RCAN2: variants seen among roughly 807,000 people sequenced by gnomAD.
RCAN2 encodes regulator of calcineurin 2.
In RCAN2, 9 loss-of-function variants were observed where a neutral mutation model predicts 23.6. That is an observed-to-expected ratio of 0.38 (90% CI 0.23 to 0.67). The LOEUF is 0.67. RCAN2 is among the 30% of genes least tolerant of loss of function. RCAN2 has a pLI of 0.51. For synonymous variants in RCAN2, 109 were observed against 115.7 expected (o/e 0.94, Z 0.37); for missense variants, 273 against 302.3 (o/e 0.90, Z 0.72).
intron 2 of RCAN2, among the ~76,000 whole-genome samples, chr6:46,388,287 T>A (rs546225424): frequency 5.9e-4 from 89 of 151,472 alleles, no homozygotes; most frequent in East Asian, 4.5e-3. Flanking sequence ...AAATAAATTT[T>A]AAAAAAAAGA....
chr6:46,460,953 A>C lies in RCAN2; in HGVS notation c.-2-3975T>G, dbSNP rs115262924. ...TGTAATTTTACAAATGAAAGATAGC[A>C]AGAATCACTCAAAGATAGCAAGACT... On this transcript the variant is annotated intron_variant, in intron 1 of 4. Transcript: ENST00000371374. 1.8e-3 allele frequency among the ~76,000 whole-genome samples: 272 copies of C among 152,320 alleles called. 2 individuals carry two copies. The highest frequency in any genetic ancestry group is 6.2e-3 in the African/African-American group (256 of 41,580).
chr6:46,391,381 CA>C (rs1377156376), intron 2 of RCAN2, among the ~76,000 whole-genome samples: 6 of 152,178 alleles, frequency 3.9e-5, no homozygotes, highest in African/African-American at 9.6e-5. Flanking sequence ...AGCTGATAGG[CA>C]GGGGGGCAGG....
chr6:46,349,146 C>T (rs565872085), intron 2 of RCAN2, among the ~76,000 whole-genome samples: 1 of 152,192 alleles, frequency 6.6e-6, no homozygotes, highest in East Asian at 1.9e-4. Context: ...TGTTTCACAG[C>T]TTTTATTGTG....
intron 2 of RCAN2, among the ~76,000 whole-genome samples, chr6:46,320,991 G>T (rs558759392): frequency 6.6e-6 from 1 of 152,238 alleles, no homozygotes; most frequent in Non-Finnish European, 1.5e-5. Context: ...CTGGTGGGGG[G>T]ACTAGGTAGG....
intron 2 of RCAN2, among the ~76,000 whole-genome samples, chr6:46,416,149 A>G (rs1766710423): frequency 6.6e-6 from 1 of 152,120 alleles, no homozygotes; most frequent in Non-Finnish European, 1.5e-5. Flanking sequence ...ATAACTGTAT[A>G]TGAATTATCT....
At chr6:46,375,852 G>A (rs545825358) in intron 2 of RCAN2, among the ~76,000 whole-genome samples, 1 of 152,276 alleles carries the variant, frequency 6.6e-6, no homozygotes, top group East Asian at 1.9e-4. Flanking sequence ...GTTATTAAAT[G>A]TACTTCTTCT....
At chr6:46,429,116 A>T (rs886964765) in intron 2 of RCAN2, among the ~76,000 whole-genome samples, 2 of 152,218 alleles carry the variant, frequency 1.3e-5, no homozygotes, top group African/African-American at 4.8e-5. Flanking sequence ...AGTAGGGGCA[A>T]AAGGGGTGAT....
intron 2 of RCAN2, among the ~76,000 whole-genome samples, chr6:46,393,030 C>G (rs1765980045): frequency 6.6e-6 from 1 of 152,052 alleles, no homozygotes; most frequent in Admixed American, 6.6e-5. Flanking sequence ...ATAAAATGTT[C>G]CTTGGGTTAA....
At chr6:46,424,131 T>C (rs1205701688) in intron 2 of RCAN2, among the ~76,000 whole-genome samples, 1 of 152,180 alleles carries the variant, frequency 6.6e-6, no homozygotes, top group African/African-American at 2.4e-5. Context: ...CAATTTCCAA[T>C]AAAATAACTG....
chr6:46,488,790 G>A lies in RCAN2; in HGVS notation c.-3+2383C>T, dbSNP rs1395913626. Among the ~76,000 whole-genome samples, 8 of 152,154 alleles carry A rather than the reference G, an allele frequency of 5.3e-5. No homozygotes were observed. In the East Asian group the frequency reaches 7.7e-4, roughly 15 times the overall value. On this transcript the variant is annotated intron_variant, in intron 1 of 4. Transcript: ENST00000371374. Reference sequence around the variant, plus strand: ...CATCCACTTGGTGACCAATGCTACCGATCCTCCCCCTGAAATGGCTCTGTA... The same window carrying A: ...CATCCACTTGGTGACCAATGCTACCAATCCTCCCCCTGAAATGGCTCTGTA...
At chr6:46,427,902 A>G (rs1340935130) in intron 2 of RCAN2, among the ~76,000 whole-genome samples, 1 of 152,228 alleles carries the variant, frequency 6.6e-6, no homozygotes, top group African/African-American at 2.4e-5. Context: ...CAGCTACAGG[A>G]TGAATCTGTT....
At chr6:46,228,704 A>C (rs1488158969) in intron 4 of RCAN2, among the ~76,000 whole-genome samples, 2 of 152,150 alleles carry the variant, frequency 1.3e-5, no homozygotes, top group Non-Finnish European at 2.9e-5. Flanking sequence ...AATACAGCAC[A>C]CTGATGGGTC....
At chr6:46,294,820 T>C (rs1414846331) in intron 2 of RCAN2, among the ~76,000 whole-genome samples, 1 of 152,166 alleles carries the variant, frequency 6.6e-6, no homozygotes, top group Non-Finnish European at 1.5e-5. Flanking sequence ...TTGTTATGTG[T>C]CCAACGCATT....
intron 2 of RCAN2, among the ~76,000 whole-genome samples, chr6:46,383,784 G>A (rs9395184): frequency 0.41 from 62,033 of 152,068 alleles, 15,623 homozygotes; most frequent in East Asian, 0.59. Flanking sequence ...AGAAAGTTCT[G>A]ATGGGCAGTA....
chr6:46,268,756 G>A (rs750673467), intron 2 of RCAN2, among the ~76,000 whole-genome samples: 1 of 152,134 alleles, frequency 6.6e-6, no homozygotes, highest in African/African-American at 2.4e-5. Flanking sequence ...TCCTGGCCTT[G>A]TTTTGTCTTT....
chr6:46,396,610 T>C (rs946872579), intron 2 of RCAN2, among the ~76,000 whole-genome samples: 12 of 152,186 alleles, frequency 7.9e-5, no homozygotes, highest in African/African-American at 2.9e-4. Flanking sequence ...GCTGTACTGG[T>C]AATTTGCAGC....
chr6:46,450,957 T>C (rs1200094354), intron 2 of RCAN2, among the ~76,000 whole-genome samples: 1 of 152,142 alleles, frequency 6.6e-6, no homozygotes, highest in African/African-American at 2.4e-5. Flanking sequence ...TGGGAGGTAA[T>C]GTATATGTTA....
intron 2 of RCAN2, among the ~76,000 whole-genome samples, chr6:46,390,998 G>A (rs1765916836): frequency 6.6e-6 from 1 of 152,270 alleles, no homozygotes; most frequent in South Asian, 2.1e-4. Context: ...GGAAGCTGAG[G>A]CAAAGTCCAG....
chr6:46,301,134 G>A (rs561782599), intron 2 of RCAN2, among the ~76,000 whole-genome samples: 2 of 152,080 alleles, frequency 1.3e-5, no homozygotes, highest in South Asian at 4.2e-4. Flanking sequence ...TAGAGTAGGT[G>A]GAGATGAAGG....
Sources: allele counts gnomAD v4.1 joint callset (sites outside exome capture counted in the v4.1 genomes callset), GRCh38; gene constraint gnomAD v4.1.1; transcripts MANE v1.5; gene names NCBI Gene and HGNC (gene_info 2026-07-23, HGNC 2026-07-21).